MID1: variants seen among roughly 807,000 people sequenced by gnomAD.
MID1 encodes the protein E3 ubiquitin-protein ligase Midline-1.
Under a neutral mutation model 40.4 loss-of-function variants are expected in MID1, and 7 were observed. The observed-to-expected ratio is 0.17, with a 90% CI of 0.10 to 0.33. The LOEUF is 0.33. Ranked by LOEUF, MID1 falls within the 10% of genes least tolerant of loss-of-function variation. MID1 has a pLI of 1.00. For missense variants in MID1, 367 were observed against 558.5 expected (o/e 0.66, Z 3.46); for synonymous variants, 229 against 221.2 (o/e 1.04, Z -0.31).
intron 1 of MID1, among the ~76,000 whole-genome samples, chrX:10,590,414 G>C (rs1172428831): frequency 1.8e-5 from 2 of 111,440 alleles, no homozygotes; most frequent in East Asian, 5.6e-4. Context: ...CTGGGTGGTG[G>C]GTGCCCTGTG....
At chrX:10,520,549 C>T (rs764618569) in intron 3 of MID1, among the ~76,000 whole-genome samples, 56 of 111,987 alleles carry the variant, frequency 5.0e-4, no homozygotes, top group African/African-American at 2.9e-4. Context: ...ATAATTACTG[C>T]GTAGACGATC....
intron 8 of MID1, among the ~76,000 whole-genome samples, chrX:10,459,088 C>T (rs969890899): frequency 9.0e-6 from 1 of 111,096 alleles, no homozygotes; most frequent in African/African-American, 3.3e-5. Context: ...TTCCCATCAT[C>T]CCTGGCCTCT....
At chrX:10,628,828 A>G (rs1936022248) in intron 1 of MID1, among the ~76,000 whole-genome samples, 1 of 112,162 alleles carries the variant, frequency 8.9e-6, no homozygotes. Context: ...GGCAATTGAA[A>G]AACTCTCGTA....
intron 1 of MID1, among the ~76,000 whole-genome samples, chrX:10,572,104 A>ACTCT (rs59928523): frequency 1.3e-4 from 9 of 70,404 alleles, no homozygotes; most frequent in Admixed American, 3.3e-4. Context: ...CTTTCTTTTC[A>ACTCT]CTCTCTCTCT....
At chrX:10,482,412 A>C in intron 5 of MID1, 68 bp downstream of exon 5, 1 of 1,118,399 alleles carries the variant, frequency 8.9e-7, no homozygotes. Flanking sequence ...CGAGGGCAAG[A>C]CCAACCAATC....
At chrX:10,531,219 C>T (rs758858464) in intron 2 of MID1, among the ~76,000 whole-genome samples, 1 of 111,997 alleles carries the variant, frequency 8.9e-6, no homozygotes, top group Non-Finnish European at 1.9e-5. Flanking sequence ...TATGAAAACA[C>T]ACCCATATTA....
intron 2 of MID1, among the ~76,000 whole-genome samples, chrX:10,535,941 G>A (rs1438305299): frequency 9.0e-6 from 1 of 111,380 alleles, no homozygotes; most frequent in Non-Finnish European, 1.9e-5. Flanking sequence ...AGTATTCTGA[G>A]GCTGGGCATG....
At chrX:10,740,456 G>A (rs955218570) in intron 1 of MID1, among the ~76,000 whole-genome samples, 11 of 112,181 alleles carry the variant, frequency 9.8e-5, no homozygotes, top group Admixed American at 2.8e-4. Flanking sequence ...TATGACTGAC[G>A]GAAAGTAAAC....
chrX:10,754,300 T>G (rs762360294), intron 1 of MID1, among the ~76,000 whole-genome samples: 23 of 103,983 alleles, frequency 2.2e-4, no homozygotes, highest in Admixed American at 6.0e-4. Context: ...GACAAGAGAG[T>G]TTTTTTTTGT....
At chrX:10,636,224 G>A (rs993894345) in intron 1 of MID1, among the ~76,000 whole-genome samples, 3 of 111,534 alleles carry the variant, frequency 2.7e-5, no homozygotes, top group Non-Finnish European at 5.7e-5. Context: ...CAACACAGAG[G>A]GGAAAAATGA....
rs182812087 is a variant in MID1, at chrX:10,658,288, G to A, written c.-186-37869C>T. Among the ~76,000 whole-genome samples, 48 of 108,533 alleles carry A rather than the reference G, an allele frequency of 4.4e-4. 1 individual carries two copies. The highest frequency in any genetic ancestry group is 1.5e-3 in the African/African-American group (45 of 29,909). 94.2% of individuals were successfully genotyped at this position (108,533 alleles called of 115,157 possible). A position where few individuals can be genotyped will look rare whatever the true frequency, so the allele number is the denominator to read the frequency against. ...CCTCAAGCATGAAAGGAAGGATAAGGAATCAAATCCTTTCTCTACTTAATA... is the reference window on the plus strand; with the variant it reads ...CCTCAAGCATGAAAGGAAGGATAAGAAATCAAATCCTTTCTCTACTTAATA... On this transcript the variant is annotated intron_variant, in intron 1 of 10. Coordinates refer to the MID1 transcript ENST00000380785.
In MID1 at chrX:10,641,963, A is replaced by G. The variant is rs190061819; in HGVS notation, c.-186-21544T>C. 3.6e-3 allele frequency among the ~76,000 whole-genome samples: 402 copies of G among 112,207 alleles called. 5 individuals are homozygous for G. Among genetic ancestry groups the G allele is most frequent in the African/African-American group, 0.012 (385 of 30,863 alleles). ...CAGAAAAGGCCTTCGACAAAATTCA[A>G]CAACACTTCATGCTAAAAACTCTCA... On this transcript the variant is annotated intron_variant, in intron 1 of 10. Coordinates refer to the MID1 transcript ENST00000380785.
chrX:10,710,884 A>G (rs1243817016), intron 1 of MID1, among the ~76,000 whole-genome samples: 1 of 112,048 alleles, frequency 8.9e-6, no homozygotes, highest in East Asian at 2.8e-4. Flanking sequence ...TGGAAGTCAC[A>G]CAAATTCTTG....
At chrX:10,520,225 T>A (rs1932641128) in intron 3 of MID1, among the ~76,000 whole-genome samples, 1 of 111,816 alleles carries the variant, frequency 8.9e-6, no homozygotes, top group South Asian at 3.8e-4. Context: ...CTCCATCTAA[T>A]CTAAGATACC....
At chrX:10,695,193 T>C (rs2043155172) in intron 1 of MID1, among the ~76,000 whole-genome samples, 1 of 111,772 alleles carries the variant, frequency 8.9e-6, no homozygotes, top group Non-Finnish European at 1.9e-5. Flanking sequence ...GGTGCAGTCA[T>C]GGTTCACTGC....
chrX:10,614,932 C>G (rs1935813882), intron 1 of MID1, among the ~76,000 whole-genome samples: 1 of 111,966 alleles, frequency 8.9e-6, no homozygotes, highest in Non-Finnish European at 1.9e-5. Flanking sequence ...TTTCAAACAA[C>G]AAACTCCTAA....
rs144695874 is a variant in MID1 at position 10,780,292 on chromosome X, C to G, written c.-187+53262G>C. Among the ~76,000 whole-genome samples, 942 of 111,655 alleles carry G rather than the reference C, an allele frequency of 8.4e-3. 1 individual carries two copies. The highest frequency in any genetic ancestry group is 0.015 in the Non-Finnish European group (797 of 53,141). On this transcript the variant is annotated intron_variant, in intron 1 of 10. Coordinates refer to the MID1 transcript ENST00000380785. ...GAGAGCCCTTCTTTATTCATGTACT[C>G]ATAACATGAGCCCAGCTCCTAATAG...
At chrX:10,832,166 C>T (rs989600637) in intron 1 of MID1, among the ~76,000 whole-genome samples, 6 of 112,484 alleles carry the variant, frequency 5.3e-5, no homozygotes, top group Non-Finnish European at 7.5e-5. Flanking sequence ...GTATTATACA[C>T]GGTGCTTTTC....
At chrX:10,516,613 C>CGT (rs1569079925) in intron 3 of MID1, among the ~76,000 whole-genome samples, 2 of 61,411 alleles carry the variant, frequency 3.3e-5, no homozygotes, top group Non-Finnish European at 5.5e-5. Context: ...TGTGTGTGCG[C>CGT]GCGCGCACGC....
Sources: allele counts gnomAD v4.1 joint callset (sites outside exome capture counted in the v4.1 genomes callset), GRCh38; gene constraint gnomAD v4.1.1; transcripts MANE v1.5; gene names NCBI Gene and HGNC (gene_info 2026-07-23, HGNC 2026-07-21).